The following PTP4A1 variants were observed in gnomAD, a reference collection of about 807,000 sequenced individuals.
The protein encoded by PTP4A1 is protein tyrosine phosphatase type IVA 1.
A neutral mutation model predicts 20.5 loss-of-function variants in PTP4A1; 9 were observed. The observed-to-expected ratio is 0.44, with a 90% confidence interval of 0.26 to 0.77. The LOEUF is 0.77. Ranked by LOEUF, PTP4A1 falls within the 30% of genes least tolerant of loss-of-function variation. The pLI is 0.19. For synonymous variants in PTP4A1, 78 were observed against 67.4 expected (o/e 1.16, Z -0.77); for missense variants, 137 against 218.8 (o/e 0.63, Z 2.36).
rs1056886237 is a variant in PTP4A1, at chr6:63,582,132, A to G, written c.*1958A>G. On this transcript the variant is annotated 3_prime_UTR_variant, in exon 6 of 6. Coordinates refer to ENST00000626021, the MANE Select transcript of PTP4A1 (RefSeq NM_003463.5). ...CCTCTGGAGGCCCTTGGTTATTTAA[A>G]TCTTGGATTATTTGTGATAGTAATC... The G allele has an allele frequency of 1.3e-5, 2 of 152,050 alleles. No individual in the cohort carries two copies. Among genetic ancestry groups the G allele is most frequent in the Non-Finnish European group, 2.9e-5 (2 of 67,978 alleles). The allele number at this position is 152,050 out of a possible 1,614,324, so 9.4% of individuals were successfully genotyped here.
Position 63,580,311 on chromosome 6 carries a change from AAGCT to A in PTP4A1, c.*140_*143del. On this transcript the variant is annotated 3_prime_UTR_variant, in exon 6 of 6. Transcript: ENST00000626021. Reference sequence around the variant, plus strand: ...TTGAAAGGCAGTTTTACCAGGCCTCAAGCTAGACAGATTTGGCAACCTCTGTATT... The same window carrying A: ...TTGAAAGGCAGTTTTACCAGGCCTCAAGACAGATTTGGCAACCTCTGTATT... 1 of 709,204 alleles carries A rather than the reference AAGCT, an allele frequency of 1.4e-6. No homozygotes were observed. The highest frequency in any genetic ancestry group is 2.4e-6 in the Non-Finnish European group (1 of 419,568). The allele number at this position is 709,204 out of a possible 1,614,324, so 43.9% of individuals were successfully genotyped here.
intron 3 of PTP4A1, among the ~76,000 whole-genome samples, chr6:63,559,782 T>C (rs1330145649): frequency 6.6e-6 from 1 of 151,946 alleles, no homozygotes; most frequent in African/African-American, 2.4e-5. Context: ...CAGCCAGGCA[T>C]GGTCGTTCAT....
chr6:63,562,714 A>AAAACT (rs1561909948), intron 3 of PTP4A1, among the ~76,000 whole-genome samples: 1 of 152,212 alleles, frequency 6.6e-6, no homozygotes, highest in Non-Finnish European at 1.5e-5. Flanking sequence ...ATCTATCAAG[A>AAAACT]GTTTAATTGT....
intron 2 of PTP4A1, chr6:63,548,763 C>A (rs1776308090): frequency 5.7e-6 from 4 of 702,170 alleles, no homozygotes; most frequent in Non-Finnish European, 1.0e-5. Context: ...CTTGCCAATG[C>A]AAGCCACAGA....
At chr6:63,577,736 T>C (rs2149515605) in intron 2 of PTP4A1, among the ~76,000 whole-genome samples, 1 of 152,116 alleles carries the variant, frequency 6.6e-6, no homozygotes, top group Middle Eastern at 3.4e-3. Flanking sequence ...TTTGTATTTT[T>C]AGATGTAGTT....
chr6:63,582,360 A>C lies in PTP4A1; in HGVS notation c.*2186A>C. 1 of 152,768 alleles carries C rather than the reference A, an allele frequency of 6.5e-6. No homozygotes were observed. The highest frequency in any genetic ancestry group is 1.9e-4 in the East Asian group (1 of 5,194). 9.5% of individuals were successfully genotyped at this position (152,768 alleles called of 1,614,324 possible). A position where few individuals can be genotyped will look rare whatever the true frequency, so the allele number is the denominator to read the frequency against. On this transcript the variant is annotated 3_prime_UTR_variant, in exon 6 of 6. Coordinates refer to ENST00000626021, the MANE Select transcript of PTP4A1 (RefSeq NM_003463.5). ...AAACTATCTTTTGAGTTTGAAAAGAAATTAATTTGCAGTGTTTGGATTGTA... is the reference window on the plus strand; with the variant it reads ...AAACTATCTTTTGAGTTTGAAAAGACATTAATTTGCAGTGTTTGGATTGTA...
At chr6:63,531,890 C>T (rs1413864916) in intron 2 of PTP4A1, among the ~76,000 whole-genome samples, 2 of 151,802 alleles carry the variant, frequency 1.3e-5, no homozygotes, top group Non-Finnish European at 2.9e-5. Context: ...GCAACCTTGC[C>T]TCCCGGGTTC....
intron 2 of PTP4A1, chr6:63,549,413 C>T: frequency 1.3e-6 from 1 of 751,758 alleles, no homozygotes; most frequent in Non-Finnish European, 2.4e-6. Flanking sequence ...GGCCGTTTCT[C>T]AAACAGGGGA....
chr6:63,519,722 G>A (rs1380507902), upstream of PTP4A1, among the ~76,000 whole-genome samples: 1 of 152,220 alleles, frequency 6.6e-6, no homozygotes, highest in Non-Finnish European at 1.5e-5. Context: ...CAATTCATGT[G>A]TGACAGTTCT....
At chr6:63,557,059 T>A (rs570027744) in intron 3 of PTP4A1, among the ~76,000 whole-genome samples, 29 of 152,316 alleles carry the variant, frequency 1.9e-4, no homozygotes, top group East Asian at 7.7e-4. Context: ...AAATACTTAT[T>A]ATGTGCCAAG....
At chr6:63,556,383 G>A (rs1023663412) in intron 3 of PTP4A1, among the ~76,000 whole-genome samples, 1 of 148,964 alleles carries the variant, frequency 6.7e-6, no homozygotes, top group African/African-American at 2.5e-5. Context: ...GTCTCACTAT[G>A]TTGCCCAGGC....
chr6:63,559,845 T>G (rs1776857992), intron 3 of PTP4A1, among the ~76,000 whole-genome samples: 1 of 152,134 alleles, frequency 6.6e-6, no homozygotes, highest in Non-Finnish European at 1.5e-5. Flanking sequence ...CAGGCTGGTT[T>G]CGAACTCCTG....
rs146871824 is a variant in PTP4A1 at position 63,524,046 on chromosome 6, A to T, written c.-906+2220A>T. Among the ~76,000 whole-genome samples the T allele has an allele frequency of 3.3e-3, 496 of 152,054 alleles. 2 individuals are homozygous for T. Among genetic ancestry groups the T allele is most frequent in the African/African-American group, 0.011 (475 of 41,478 alleles). ...GCCCAGGCTGGAATGCAATGGTGCC[A>T]TCTTGGCTCACTGCAACCTTTGCCT... On this transcript the variant is annotated intron_variant, in intron 1 of 3. Coordinates refer to the PTP4A1 transcript ENST00000639568.
chr6:63,567,764 G>C (rs540452619), upstream of PTP4A1, among the ~76,000 whole-genome samples: 1 of 152,212 alleles, frequency 6.6e-6, no homozygotes, highest in Non-Finnish European at 1.5e-5. Context: ...TCTTCTTCCA[G>C]TATAAGACTG....
intron 2 of PTP4A1, among the ~76,000 whole-genome samples, chr6:63,539,329 T>C (rs1470516576): frequency 2.6e-5 from 4 of 152,190 alleles, no homozygotes; most frequent in African/African-American, 9.7e-5. Context: ...ACCTGAAGGA[T>C]TAAACATTAC....
chr6:63,569,745 T>C (rs2149502425), upstream of PTP4A1, among the ~76,000 whole-genome samples: 1 of 152,322 alleles, frequency 6.6e-6, no homozygotes, highest in East Asian at 1.9e-4. Context: ...TTTTAGAGCC[T>C]CTCCTGGAGC....
intron 2 of PTP4A1, among the ~76,000 whole-genome samples, chr6:63,540,491 C>A (rs1440320126): frequency 6.6e-6 from 1 of 151,852 alleles, no homozygotes; most frequent in African/African-American, 2.4e-5. Context: ...TGTGGTGGTG[C>A]ATGCCTGTAA....
At chr6:63,538,290 A>G (rs1405848730) in intron 2 of PTP4A1, among the ~76,000 whole-genome samples, 1 of 152,220 alleles carries the variant, frequency 6.6e-6, no homozygotes, top group Non-Finnish European at 1.5e-5. Flanking sequence ...TAGTTTCTCT[A>G]GCAACAAGAT....
At chr6:63,571,957 ATAT>A (rs914068756), upstream of PTP4A1, 5 of 152,164 alleles carry the variant, frequency 3.3e-5, no homozygotes, top group African/African-American at 1.2e-4. Flanking sequence ...TGCGACATAA[ATAT>A]TATTTGATGA....
Sources: gnomAD v4.1 joint callset for allele counts (sites outside exome capture counted in the v4.1 genomes callset) on GRCh38, gnomAD v4.1.1 for gene constraint, MANE v1.5 for transcripts, NCBI Gene and HGNC (gene_info 2026-07-23, HGNC 2026-07-21) for gene names.